The following CDH11 variants were observed in gnomAD, a reference collection of about 807,000 sequenced individuals.
CDH11 encodes the protein cadherin 11, also known as cadherin-11.
CDH11 carries 11 observed loss-of-function variants against 67.8 expected under a neutral mutation model. That is an observed-to-expected ratio of 0.16 (90% CI 0.10 to 0.27). CDH11 has a LOEUF of 0.27. CDH11 is among the 10% of genes least tolerant of loss of function. The pLI, the probability that CDH11 is intolerant of heterozygous loss-of-function variation, is 1.00. For missense variants in CDH11, 847 were observed against 1,031.2 expected (o/e 0.82, Z 2.45); for synonymous variants, 419 against 400.0 (o/e 1.05, Z -0.57).
At chr16:65,091,449 C>T (rs895285701) in intron 1 of CDH11, among the ~76,000 whole-genome samples, 2 of 152,116 alleles carry the variant, frequency 1.3e-5, no homozygotes, top group African/African-American at 4.8e-5. Flanking sequence ...CGTACCTCAG[C>T]ACATCAATGT....
rs538751991 is a variant in CDH11 at position 65,116,586 on chromosome 16, G to C, written c.-298+5294C>G. The stretch of plus-strand genomic sequence containing the variant: ...GCTTTTTTTCACCTGCAGCAACCAG[G>C]AAATTTTGAGAATAAACCCCTGCTC... On this transcript the variant is annotated intron_variant, in intron 1 of 12. Coordinates refer to ENST00000268603, the MANE Select transcript of CDH11 (RefSeq NM_001797.4). 2.7e-3 allele frequency among the ~76,000 whole-genome samples: 409 copies of C among 152,260 alleles called. 1 individual carries two copies. The highest frequency in any genetic ancestry group is 9.4e-3 in the African/African-American group (390 of 41,560).
rs185924272 is a variant in CDH11, at chr16:65,107,744, A to G, written c.-298+14136T>C. ...TTCACATCCAGGTGTGCTTGTCTCC[A>G]TGATTCCTTCTCCAGAATGCTGAGA... On this transcript the variant is annotated intron_variant, in intron 1 of 12. Coordinates refer to ENST00000268603, the MANE Select transcript of CDH11 (RefSeq NM_001797.4). Among the ~76,000 whole-genome samples the G allele has an allele frequency of 4.6e-3, 700 of 152,316 alleles. 5 individuals carry two copies. Among genetic ancestry groups the G allele is most frequent in the African/African-American group, 0.016 (675 of 41,566 alleles).
chr16:65,105,770 A>G (rs1236237195), intron 1 of CDH11, among the ~76,000 whole-genome samples: 1 of 152,224 alleles, frequency 6.6e-6, no homozygotes, highest in East Asian at 1.9e-4. Context: ...GAAGCAGACC[A>G]TCTTCAGAAA....
Position 64,944,558 on chromosome 16 carries a change from A to C in CDH11, c.*3045T>G, listed in dbSNP as rs1006694264. On this transcript the variant is annotated 3_prime_UTR_variant, in exon 13 of 13. Transcript: ENST00000268603. The stretch of plus-strand genomic sequence containing the variant: ...CCATTGTCTTATAAAGTTTCTCAAA[A>C]AGATGTGAAGGATATGTCACAATGA... 4.3e-6 allele frequency: 1 copy of C among 232,578 alleles called. No individual in the cohort carries two copies. The highest frequency in any genetic ancestry group is 2.2e-5 in the African/African-American group (1 of 45,270). 14.4% of individuals were successfully genotyped at this position (232,578 alleles called of 1,614,324 possible). A position where few individuals can be genotyped will look rare whatever the true frequency, so the allele number is the denominator to read the frequency against.
At position 64,945,501 on chromosome 16, in the gene CDH11, T is replaced by A. The variant is rs986158116; in HGVS notation, c.*2102A>T. On this transcript the variant is annotated 3_prime_UTR_variant, in exon 13 of 13. Coordinates refer to ENST00000268603, the MANE Select transcript of CDH11 (RefSeq NM_001797.4). ...ATACTTATTTAAATGCTATTCATATTCCTTTTGAGTTATTTCTTCATTGCA... is the reference window on the plus strand; with the variant it reads ...ATACTTATTTAAATGCTATTCATATACCTTTTGAGTTATTTCTTCATTGCA... 8 of 1,033,588 alleles carry A rather than the reference T, an allele frequency of 7.7e-6. No individual in the cohort carries two copies. The highest frequency in any genetic ancestry group is 9.3e-6 in the Non-Finnish European group (8 of 858,864). The allele number at this position is 1,033,588 out of a possible 1,614,324, so 64.0% of individuals were successfully genotyped here.
intron 2 of CDH11, among the ~76,000 whole-genome samples, chr16:65,051,744 G>GCT (rs1293349482): frequency 6.6e-6 from 1 of 152,084 alleles, no homozygotes; most frequent in Admixed American, 6.6e-5. Context: ...TTTATAAGGG[G>GCT]CTCTCCTCCC....
At chr16:64,991,258 C>A in intron 6 of CDH11, 1 of 152,874 alleles carries the variant, frequency 6.5e-6, no homozygotes, top group East Asian at 1.9e-4. Flanking sequence ...CCCAGTGGAG[C>A]TATCCCCAGT....
intron 8 of CDH11, among the ~76,000 whole-genome samples, chr16:64,980,259 A>T (rs1220194129): frequency 6.6e-6 from 1 of 152,228 alleles, no homozygotes; most frequent in East Asian, 1.9e-4. Context: ...ACAGAAAAAA[A>T]AAAGAGAGTG....
At position 64,945,782 on chromosome 16, in the gene CDH11, C is replaced by A. The variant is rs2071185110; in HGVS notation, c.*1821G>T. ...TTCTTTGTATGCATGTTGACTAAATCATAAAAATAGTACATAACATGATAT... is the reference window on the plus strand; with the variant it reads ...TTCTTTGTATGCATGTTGACTAAATAATAAAAATAGTACATAACATGATAT... On this transcript the variant is annotated 3_prime_UTR_variant, in exon 13 of 13. Coordinates refer to ENST00000268603, the MANE Select transcript of CDH11 (RefSeq NM_001797.4). The A allele has an allele frequency of 4.8e-6, 5 of 1,044,190 alleles. No homozygotes were observed. The highest frequency in any genetic ancestry group is 5.8e-6 in the Non-Finnish European group (5 of 865,732). 64.7% of individuals were successfully genotyped at this position (1,044,190 alleles called of 1,614,324 possible). A position where few individuals can be genotyped will look rare whatever the true frequency, so the allele number is the denominator to read the frequency against.
At chr16:64,976,812 C>T (rs2072183514) in intron 8 of CDH11, among the ~76,000 whole-genome samples, 1 of 152,098 alleles carries the variant, frequency 6.6e-6, no homozygotes, top group African/African-American at 2.4e-5. Context: ...CACGCCACTG[C>T]ACTCCAGCCT....
chr16:64,982,558 A>G (rs568392538), intron 7 of CDH11: 1 of 414,598 alleles, frequency 2.4e-6, no homozygotes, highest in Non-Finnish European at 4.3e-6. Flanking sequence ...AACTTATTCT[A>G]TATAGCAACA....
At chr16:65,011,063 T>C (rs1034754561) in intron 2 of CDH11, among the ~76,000 whole-genome samples, 5 of 122,164 alleles carry the variant, frequency 4.1e-5, no homozygotes, top group African/African-American at 1.4e-4. Flanking sequence ...ATATATATCA[T>C]GTGTATATAT....
At chr16:65,025,878 T>C (rs2073524162) in intron 2 of CDH11, among the ~76,000 whole-genome samples, 1 of 152,098 alleles carries the variant, frequency 6.6e-6, no homozygotes, top group Non-Finnish European at 1.5e-5. Flanking sequence ...CAGCTGTAGC[T>C]CCTTGGCTAG....
chr16:65,069,131 C>T (rs2074371385), intron 1 of CDH11, among the ~76,000 whole-genome samples: 1 of 152,134 alleles, frequency 6.6e-6, no homozygotes, highest in South Asian at 2.1e-4. Flanking sequence ...TTACAATTGC[C>T]TTGTTGTAAT....
At position 65,081,524 on chromosome 16, in the gene CDH11, G is replaced by C. The variant is rs1219339509; in HGVS notation, c.-297-27596C>G. Among the ~76,000 whole-genome samples the C allele has an allele frequency of 1.1e-4, 17 of 151,366 alleles. 1 individual carries two copies. The highest frequency in any genetic ancestry group is 1.1e-3 in the Admixed American group (17 of 15,196). ...GCGGAGCTTGCAGTGAGCCGAGATC[G>C]GGCCACTGCACTCCAGCCTGGGTGA... On this transcript the variant is annotated intron_variant, in intron 1 of 12. Transcript: ENST00000268603.
intron 2 of CDH11, among the ~76,000 whole-genome samples, chr16:65,016,982 C>T (rs1340038396): frequency 6.6e-6 from 1 of 152,118 alleles, no homozygotes; most frequent in Admixed American, 6.6e-5. Context: ...ACTGTTGTGG[C>T]ACTGCTGGGA....
intron 11 of CDH11, among the ~76,000 whole-genome samples, chr16:64,954,948 T>TAAAAA (rs71143536): frequency 8.2e-6 from 1 of 121,346 alleles, no homozygotes; most frequent in Admixed American, 8.0e-5. Flanking sequence ...TACTAAAAAA[T>TAAAAA]AAAAAAAAAA....
At chr16:65,108,223 C>T (rs2075098413) in intron 1 of CDH11, among the ~76,000 whole-genome samples, 6 of 152,156 alleles carry the variant, frequency 3.9e-5, no homozygotes, top group Admixed American at 3.9e-4. Flanking sequence ...AAAGATGTGA[C>T]TTCTCAGGCT....
intron 11 of CDH11, 41 bp from the exon 12 acceptor site, chr16:64,951,059 C>A: frequency 6.3e-7 from 1 of 1,590,408 alleles, no homozygotes. Context: ...CCAGTCAAGA[C>A]CATTGGAATC....
Sources: gnomAD v4.1 joint callset for allele counts (sites outside exome capture counted in the v4.1 genomes callset) on GRCh38, gnomAD v4.1.1 for gene constraint, MANE v1.5 for transcripts, NCBI Gene and HGNC (gene_info 2026-07-23, HGNC 2026-07-21) for gene names.